The following CAP2 variants were observed in gnomAD, a reference collection of about 807,000 sequenced individuals.
The protein encoded by CAP2 is adenylyl cyclase-associated protein 2.
CAP2 carries 24 observed loss-of-function variants against 57.7 expected under a neutral mutation model. The ratio of observed to expected loss-of-function variants is 0.42; its 90% CI spans 0.30 to 0.58. The LOEUF (loss-of-function observed/expected upper bound fraction) is 0.58, where lower values mean the gene tolerates loss of function less well. Ranked by LOEUF, CAP2 falls within the 20% of genes least tolerant of loss-of-function variation. CAP2 has a pLI of 0.22. For missense variants in CAP2, 501 were observed against 590.3 expected, an observed-to-expected ratio of 0.85 and a Z score of 1.57; for synonymous variants, 194 against 207.2, an observed-to-expected ratio of 0.94 and a Z score of 0.55.
At chr6:17,511,332 C>T (rs573668927) in intron 6 of CAP2, among the ~76,000 whole-genome samples, 1 of 152,194 alleles carries the variant, frequency 6.6e-6, no homozygotes, top group South Asian at 2.1e-4. Context: ...GGCAGTAGGA[C>T]CGTAGGTAGA....
intron 3 of CAP2, among the ~76,000 whole-genome samples, chr6:17,456,856 GGGACTTT>G (rs972714420): frequency 1.5e-4 from 23 of 152,220 alleles, no homozygotes; most frequent in African/African-American, 5.1e-4. Flanking sequence ...CCATCCACAT[GGGACTTT>G]GCAGCCTGTA....
intron 11 of CAP2, among the ~76,000 whole-genome samples, chr6:17,544,800 C>G (rs970909774): frequency 6.6e-6 from 1 of 152,196 alleles, no homozygotes; most frequent in African/African-American, 2.4e-5. Flanking sequence ...AGTGGTCCAC[C>G]TGCCTCGGCC....
At chr6:17,434,686 C>T (rs1011355785) in intron 3 of CAP2, among the ~76,000 whole-genome samples, 4 of 152,200 alleles carry the variant, frequency 2.6e-5, no homozygotes, top group African/African-American at 9.7e-5. Context: ...TCTTATGTAT[C>T]CTTCCAGTGT....
chr6:17,490,361 C>T (rs1044960058), intron 4 of CAP2, among the ~76,000 whole-genome samples: 3 of 152,212 alleles, frequency 2.0e-5, no homozygotes, highest in African/African-American at 7.2e-5. Context: ...TTTGAGACTA[C>T]ATCATATCTT....
intron 3 of CAP2, among the ~76,000 whole-genome samples, chr6:17,444,970 A>G (rs1196886104): frequency 6.6e-6 from 1 of 152,188 alleles, no homozygotes; most frequent in Non-Finnish European, 1.5e-5. Flanking sequence ...CTGAGGCAAT[A>G]TAAGAAAGTG....
intron 4 of CAP2, among the ~76,000 whole-genome samples, chr6:17,476,871 T>C (rs1761161390): frequency 7.3e-6 from 1 of 136,064 alleles, no homozygotes; most frequent in African/African-American, 2.8e-5. Flanking sequence ...CTTCTTTTTT[T>C]TTTTTTTTTT....
chr6:17,430,626 C>T (rs1047208672), intron 3 of CAP2, among the ~76,000 whole-genome samples: 3 of 151,848 alleles, frequency 2.0e-5, no homozygotes, highest in African/African-American at 7.3e-5. Flanking sequence ...GCAACCTCCA[C>T]CTCCCGGGTT....
intron 1 of CAP2, among the ~76,000 whole-genome samples, chr6:17,405,498 G>GTCTCTCTCTCTCTCTCTCTCTC (rs57158664): frequency 1.3e-5 from 2 of 148,414 alleles, no homozygotes; most frequent in African/African-American, 4.9e-5. Context: ...TGAATGTGGA[G>GTCTCTCTCTCTCTCTCTCTCTC]TCTCTCTCTC....
At chr6:17,556,332 A>G (rs1446502274) in intron 12 of CAP2, 27 bp from the exon 13 acceptor site, 3 of 1,510,828 alleles carry the variant, frequency 2.0e-6, no homozygotes, top group Non-Finnish European at 2.8e-6. Context: ...TAGTTTAAAT[A>G]ACTTTGTTGT....
intron 7 of CAP2, among the ~76,000 whole-genome samples, chr6:17,535,343 C>T (rs984345066): frequency 6.6e-6 from 1 of 150,410 alleles, no homozygotes; most frequent in Admixed American, 6.7e-5. Flanking sequence ...GGCGCAATCT[C>T]GGCTCACTGC....
At chr6:17,489,459 CAAA>C (rs530229852) in intron 4 of CAP2, among the ~76,000 whole-genome samples, 44 of 152,124 alleles carry the variant, frequency 2.9e-4, no homozygotes, top group African/African-American at 1.1e-3. Context: ...AAAGAAAAAA[CAAA>C]AGAAAATCAG....
At chr6:17,534,110 C>T (rs1030411479) in intron 7 of CAP2, among the ~76,000 whole-genome samples, 1 of 152,134 alleles carries the variant, frequency 6.6e-6, no homozygotes, top group African/African-American at 2.4e-5. Flanking sequence ...GTCCATGTGG[C>T]TTTGTGCAAG....
chr6:17,547,046 CAGAG>C (rs1763064304), intron 11 of CAP2, among the ~76,000 whole-genome samples: 1 of 152,234 alleles, frequency 6.6e-6, no homozygotes, highest in South Asian at 2.1e-4. Flanking sequence ...AACAGACAAA[CAGAG>C]AGCCAAATCA....
At chr6:17,477,766 G>A (rs1197059470) in intron 4 of CAP2, among the ~76,000 whole-genome samples, 1 of 152,062 alleles carries the variant, frequency 6.6e-6, no homozygotes, top group Non-Finnish European at 1.5e-5. Flanking sequence ...ATAGATCTTT[G>A]TGATTAATTT....
intron 12 of CAP2, 82 bp from the exon 13 acceptor site, chr6:17,556,277 A>G (rs1763312258): frequency 1.0e-6 from 1 of 964,660 alleles, no homozygotes; most frequent in Admixed American, 1.8e-5. Flanking sequence ...AATCAGCCTC[A>G]CCATCTGTTT....
chr6:17,492,028 T>A (rs1253687794), intron 4 of CAP2, among the ~76,000 whole-genome samples: 5 of 152,250 alleles, frequency 3.3e-5, no homozygotes, highest in Non-Finnish European at 7.3e-5. Flanking sequence ...CTTGTCCCTG[T>A]GTTTATTCTG....
At chr6:17,443,871 A>T (rs1440714811) in intron 3 of CAP2, among the ~76,000 whole-genome samples, 1 of 152,218 alleles carries the variant, frequency 6.6e-6, no homozygotes, top group Non-Finnish European at 1.5e-5. Context: ...ACATACACAC[A>T]CATATGTTAT....
intron 3 of CAP2, among the ~76,000 whole-genome samples, chr6:17,427,937 G>A (rs551864147): frequency 1.3e-4 from 20 of 152,316 alleles, no homozygotes; most frequent in African/African-American, 4.6e-4. Context: ...CAGTGCCTAG[G>A]GCGGTCAAAT....
At chr6:17,541,252 TG>T (rs1762893799) in intron 9 of CAP2, 104 bp downstream of exon 9, 9 of 842,816 alleles carry the variant, frequency 1.1e-5, no homozygotes, top group East Asian at 1.1e-4. Flanking sequence ...TTTTAATTTT[TG>T]TATTGGTACA....
Sources: gnomAD v4.1 joint callset for allele counts (sites outside exome capture counted in the v4.1 genomes callset) on GRCh38, gnomAD v4.1.1 for gene constraint, MANE v1.5 for transcripts, NCBI Gene and HGNC (gene_info 2026-07-23, HGNC 2026-07-21) for gene names.